The following RXFP2 variants were observed in gnomAD, a reference collection of about 807,000 sequenced individuals.
RXFP2 encodes the protein relaxin receptor 2.
RXFP2 carries 68 observed loss-of-function variants against 88.6 expected under a neutral mutation model. The ratio of observed to expected loss-of-function variants is 0.77; its 90% confidence interval spans 0.63 to 0.94. The LOEUF is 0.94. Among genes scored for constraint, RXFP2 ranks in the 40% least tolerant of loss-of-function variants. The pLI is 0.00. For synonymous variants in RXFP2, 329 were observed against 306.8 expected (o/e 1.07, Z -0.76); for missense variants, 791 against 893.9 (o/e 0.88, Z 1.47).
At chr13:31,745,406 A>T (rs536604739) in intron 1 of RXFP2, among the ~76,000 whole-genome samples, 1 of 152,218 alleles carries the variant, frequency 6.6e-6, no homozygotes, top group East Asian at 1.9e-4. Context: ...TGGTATCACC[A>T]CTTCTTTCCT....
chr13:31,758,536 CAAAT>C (rs1872085658), intron 2 of RXFP2, 132 bp downstream of exon 2: 3 of 986,794 alleles, frequency 3.0e-6, no homozygotes, highest in Non-Finnish European at 4.6e-6. Context: ...CTTTGAAACA[CAAAT>C]AATGACTCCC....
chr13:31,770,471 G>A (rs1405431714), intron 5 of RXFP2, among the ~76,000 whole-genome samples: 1 of 152,082 alleles, frequency 6.6e-6, no homozygotes, highest in East Asian at 1.9e-4. Context: ...ACCATCTTGG[G>A]CTTTCACTGA....
intron 1 of RXFP2, among the ~76,000 whole-genome samples, chr13:31,753,317 A>G (rs1871759255): frequency 6.6e-6 from 1 of 152,212 alleles, no homozygotes; most frequent in South Asian, 2.1e-4. Flanking sequence ...GCAGCAATCC[A>G]GTTGGCTTTA....
rs1013395458 is a variant in RXFP2, at chr13:31,792,779, G to T, written c.1477G>T (p.Val493Leu). ...QKYALLWMES[V>L]QCRLMGFLAM... ...GTATGCCTTGCTGTGGATGGAGAGC[G>T]TGCAGTGCCGCCTCATGGGGTTCCT... The change falls in exon 16 of 18, where the codon GTG (valine) becomes TTG (leucine). Residue 493 changes from valine to leucine, a missense_variant. Val to Leu is a conservative substitution (Grantham distance 32, BLOSUM62 1). Coordinates refer to ENST00000298386, the MANE Select transcript of RXFP2 (RefSeq NM_130806.5). The T allele has an allele frequency of 6.2e-7, 1 of 1,614,104 alleles. No individual in the cohort carries two copies. The highest frequency in any genetic ancestry group is 8.5e-7 in the Non-Finnish European group (1 of 1,180,016).
chr13:31,754,873 G>C (rs574675430), intron 1 of RXFP2, among the ~76,000 whole-genome samples: 1 of 138,638 alleles, frequency 7.2e-6, no homozygotes, highest in South Asian at 2.3e-4. Flanking sequence ...TTTCAGAGAA[G>C]TCACATAAAA....
chr13:31,777,906 A>T (rs751774924), intron 8 of RXFP2, among the ~76,000 whole-genome samples: 56 of 152,302 alleles, frequency 3.7e-4, no homozygotes, highest in Admixed American at 6.5e-4. Context: ...TAATATTTTC[A>T]CTGTTTATTA....
chr13:31,777,956 C>G (rs1873074355), intron 8 of RXFP2, among the ~76,000 whole-genome samples: 2 of 152,102 alleles, frequency 1.3e-5, no homozygotes, highest in African/African-American at 4.8e-5. Flanking sequence ...TTATTATATT[C>G]CTTTACAACT....
intron 7 of RXFP2, among the ~76,000 whole-genome samples, chr13:31,776,480 C>G (rs1357173449): frequency 6.6e-6 from 1 of 151,846 alleles, no homozygotes. Context: ...AGGATGGTCT[C>G]CAACTCCTGA....
rs149167507 is a variant in RXFP2 at position 31,767,477 on chromosome 13, T to C, written c.497+1450T>C. Among the ~76,000 whole-genome samples, 43 of 152,324 alleles carry C rather than the reference T, an allele frequency of 2.8e-4. No individual in the cohort carries two copies. The East Asian group carries it at 8.1e-3, about 29-fold the overall frequency. On this transcript the variant is annotated intron_variant, in intron 5 of 17. Coordinates refer to ENST00000298386, the MANE Select transcript of RXFP2 (RefSeq NM_130806.5). Reference sequence around the variant, plus strand: ...ACAACATGTTCATTAGATGAATCAATATTGTCTTTGTACTGCCTGAATAAT... The same window carrying C: ...ACAACATGTTCATTAGATGAATCAACATTGTCTTTGTACTGCCTGAATAAT...
chr13:31,746,486 AATTAATATGCTAGTTTACCTATAG>A (rs1566211983), intron 1 of RXFP2, among the ~76,000 whole-genome samples: 1 of 152,178 alleles, frequency 6.6e-6, no homozygotes, highest in African/African-American at 2.4e-5. Flanking sequence ...CAAAAACTGT[AATTAATATGCTAGTTTACCTATAG>A]AGCAGACTTG....
At chr13:31,752,816 C>T (rs1315965304) in intron 1 of RXFP2, among the ~76,000 whole-genome samples, 1 of 152,146 alleles carries the variant, frequency 6.6e-6, no homozygotes, top group Non-Finnish European at 1.5e-5. Context: ...GATGCCAGCC[C>T]CTGAGTTCTT....
At chr13:31,768,509 G>A (rs531634805) in intron 5 of RXFP2, among the ~76,000 whole-genome samples, 7 of 152,244 alleles carry the variant, frequency 4.6e-5, no homozygotes, top group Non-Finnish European at 1.0e-4. Context: ...AAGCTACTTG[G>A]GGAGAGAGGT....
intron 6 of RXFP2, 78 bp from the exon 7 acceptor site, chr13:31,775,240 A>G: frequency 9.1e-7 from 1 of 1,104,916 alleles, no homozygotes; most frequent in Non-Finnish European, 1.4e-6. Context: ...AATCATCATC[A>G]GTGGCTCATA....
chr13:31,773,464 T>A (rs1433097955), intron 5 of RXFP2, among the ~76,000 whole-genome samples: 1 of 152,172 alleles, frequency 6.6e-6, no homozygotes, highest in South Asian at 2.1e-4. Flanking sequence ...TACTTTCACT[T>A]TCTTTTTTTA....
At chr13:31,739,860 G>T (rs1423670442) in intron 1 of RXFP2, among the ~76,000 whole-genome samples, 154 bp downstream of exon 1, 2 of 151,708 alleles carry the variant, frequency 1.3e-5, no homozygotes, top group South Asian at 4.2e-4. Context: ...TTCATTGCTT[G>T]TAGTCCCACA....
At chr13:31,797,559 A>C (rs1874117532) in intron 17 of RXFP2, 140 bp downstream of exon 17, 1 of 703,554 alleles carries the variant, frequency 1.4e-6, no homozygotes, top group African/African-American at 1.8e-5. Flanking sequence ...TTTTATAATC[A>C]GTATTATAAA....
rs747018523 is a variant in RXFP2, at chr13:31,781,721, C to T, written c.836C>T (p.Ser279Leu). 10 of 1,611,590 alleles carry T rather than the reference C, an allele frequency of 6.2e-6. No homozygotes were observed. The highest frequency in any genetic ancestry group is 4.0e-5 in the African/African-American group (3 of 74,686). The change falls in exon 10 of 18, where the codon TCG becomes TTG. Residue 279 changes from serine (S) to leucine (L), a missense_variant. Transcript: ENST00000298386. The stretch of plus-strand genomic sequence containing the variant: ...TATCTCACAAATTCTACGTTTCTGT[C>T]GTGCGATTCGCTCACAGTGCTGTAA... ...IKYLTNSTFLSCDSLTVLFLP... is the reference protein window; with the variant it reads ...IKYLTNSTFLLCDSLTVLFLP...
chr13:31,775,183 T>C lies in RXFP2; in HGVS notation c.570-135T>C, dbSNP rs1207508520. On this transcript the variant is annotated intron_variant, in intron 6 of 17. Coordinates refer to ENST00000298386, the MANE Select transcript of RXFP2 (RefSeq NM_130806.5). ...CTGGATACCCCTTGAATTTGCCCCC[T>C]CTGCTCATTCAGCCGAATACTTTCA... 6 of 760,246 alleles carry C rather than the reference T, an allele frequency of 7.9e-6. No individual in the cohort carries two copies. In the Admixed American group the frequency reaches 1.2e-4, roughly 15 times the overall value. The allele number at this position is 760,246 out of a possible 1,614,324, so 47.1% of individuals were successfully genotyped here. A position where few individuals can be genotyped will look rare whatever the true frequency, so the allele number is the denominator to read the frequency against.
intron 2 of RXFP2, 95 bp from the exon 3 acceptor site, chr13:31,761,629 A>G (rs1383003848): frequency 2.5e-6 from 2 of 796,500 alleles, no homozygotes; most frequent in Non-Finnish European, 4.4e-6. Context: ...TTACTTAAAC[A>G]TATTTTAGTT....
Sources: allele counts gnomAD v4.1 joint callset (sites outside exome capture counted in the v4.1 genomes callset), GRCh38; gene constraint gnomAD v4.1.1; transcripts MANE v1.5; gene names NCBI Gene and HGNC (gene_info 2026-07-23, HGNC 2026-07-21).